The following PTPRG variants were observed in gnomAD, a reference collection of about 807,000 sequenced individuals.
PTPRG encodes the protein receptor-type tyrosine-protein phosphatase gamma.
Under a neutral mutation model 165.3 loss-of-function variants are expected in PTPRG, and 102 were observed. That is an observed-to-expected ratio of 0.62 (90% CI 0.53 to 0.73). The LOEUF is 0.73. Among genes scored for constraint, PTPRG ranks in the 30% least tolerant of loss-of-function variants. The pLI, the probability that PTPRG is intolerant of heterozygous loss-of-function variation, is 0.00. For missense variants in PTPRG, 1,866 were observed against 1,861.4 expected, an observed-to-expected ratio of 1.00 and a Z score of -0.05; for synonymous variants, 675 against 669.5, an observed-to-expected ratio of 1.01 and a Z score of -0.13.
chr3:61,572,788 A>G (rs1009736700), intron 1 of PTPRG, among the ~76,000 whole-genome samples: 10 of 151,970 alleles, frequency 6.6e-5, no homozygotes, highest in African/African-American at 2.4e-4. Flanking sequence ...AAATAGTGCT[A>G]CCCCTTGGGA....
intron 2 of PTPRG, among the ~76,000 whole-genome samples, chr3:61,984,867 C>T (rs1363813506): frequency 6.6e-6 from 1 of 152,150 alleles, no homozygotes; most frequent in Non-Finnish European, 1.5e-5. Context: ...GAGTGTTTGT[C>T]AATTATATAG....
chr3:61,596,779 T>TTTA (rs10586288), intron 1 of PTPRG, among the ~76,000 whole-genome samples: 2,743 of 151,390 alleles, frequency 0.018, 68 homozygotes, highest in African/African-American at 0.057. Context: ...TCTCAATTAG[T>TTTA]TTATTATTAT....
At chr3:62,016,177 T>C (rs915830710) in intron 4 of PTPRG, among the ~76,000 whole-genome samples, 4 of 152,170 alleles carry the variant, frequency 2.6e-5, no homozygotes, top group African/African-American at 9.7e-5. Flanking sequence ...ATTAACTATA[T>C]ATATTTTTAA....
At chr3:61,831,303 T>C (rs1403136539) in intron 2 of PTPRG, among the ~76,000 whole-genome samples, 1 of 152,184 alleles carries the variant, frequency 6.6e-6, no homozygotes, top group African/African-American at 2.4e-5. Flanking sequence ...ATAATACCCA[T>C]TTATGGTGAA....
intron 1 of PTPRG, among the ~76,000 whole-genome samples, chr3:61,653,609 C>T (rs555548269): frequency 6.6e-6 from 1 of 152,300 alleles, no homozygotes; most frequent in South Asian, 2.1e-4. Context: ...TACAGTCCAG[C>T]TGCGTATGTG....
intron 15 of PTPRG, among the ~76,000 whole-genome samples, chr3:62,251,536 T>C (rs972002096): frequency 1.3e-5 from 2 of 151,830 alleles, no homozygotes; most frequent in Non-Finnish European, 2.9e-5. Flanking sequence ...CTTAGGAGAC[T>C]GGGGTGGGAG....
At chr3:62,003,235 A>T in intron 3 of PTPRG, 114 bp from the exon 4 acceptor site, 3 of 1,231,646 alleles carry the variant, frequency 2.4e-6, no homozygotes, top group South Asian at 2.9e-5. Flanking sequence ...TCATAGGTAC[A>T]TGAGGACATA....
intron 2 of PTPRG, among the ~76,000 whole-genome samples, chr3:61,785,982 A>T (rs533224546): frequency 2.0e-5 from 3 of 152,080 alleles, no homozygotes. Flanking sequence ...CCCCAGTCAC[A>T]CTTTTTCTGT....
intron 4 of PTPRG, among the ~76,000 whole-genome samples, chr3:62,046,312 C>T (rs1404546431): frequency 1.3e-5 from 2 of 152,204 alleles, no homozygotes; most frequent in South Asian, 2.1e-4. Context: ...TTTGAAGTTA[C>T]GTGTGTGGGG....
chr3:62,058,467 G>A (rs1035944721), intron 4 of PTPRG, among the ~76,000 whole-genome samples: 4 of 152,044 alleles, frequency 2.6e-5, no homozygotes, highest in African/African-American at 9.7e-5. Flanking sequence ...GCACCCAGCT[G>A]GATGTTCATT....
At chr3:61,941,712 T>A (rs1194549169) in intron 2 of PTPRG, among the ~76,000 whole-genome samples, 2 of 152,212 alleles carry the variant, frequency 1.3e-5, no homozygotes, top group Non-Finnish European at 2.9e-5. Flanking sequence ...ATCAATAGTC[T>A]CCCTCCAACT....
chr3:62,077,451 T>C (rs1026653402), intron 4 of PTPRG, among the ~76,000 whole-genome samples: 1 of 152,158 alleles, frequency 6.6e-6, no homozygotes, highest in East Asian at 1.9e-4. Context: ...ATTTCTGCCC[T>C]AATTTTTTTT....
In PTPRG at chr3:61,714,636, A is replaced by G. The variant is rs559532170; in HGVS notation, c.86-34242A>G. Among the ~76,000 whole-genome samples the G allele has an allele frequency of 1.2e-4, 19 of 152,312 alleles. No individual in the cohort carries two copies. In the East Asian group the frequency reaches 3.5e-3, roughly 28 times the overall value. On this transcript the variant is annotated intron_variant, in intron 1 of 29. Transcript: ENST00000474889. ...TTTCTCAAGTTGTGTTCTTAGAGAA[A>G]GGTGGGGCCTTTTACTTTCCACAAA... is the stretch of plus-strand genomic sequence containing the variant.
rs140977526 is a variant in PTPRG, at chr3:61,631,907, A to G, written c.85+69535A>G. On this transcript the variant is annotated intron_variant, in intron 1 of 29. Transcript: ENST00000474889. ...ACAAAGAGGGAAATGTAAATAATCA[A>G]TTGCTGTAAAATGATATAGATGCTC... Among the ~76,000 whole-genome samples the G allele has an allele frequency of 1.8e-3, 270 of 152,320 alleles. 3 individuals carry two copies. Among genetic ancestry groups the G allele is most frequent in the African/African-American group, 6.2e-3 (256 of 41,570 alleles).
chr3:61,672,324 C>A (rs1034995539), intron 1 of PTPRG, among the ~76,000 whole-genome samples: 1 of 144,762 alleles, frequency 6.9e-6, no homozygotes, highest in Non-Finnish European at 1.5e-5. Context: ...GGGTGGCGGC[C>A]GGGCAGAGGC....
At chr3:62,166,242 G>T (rs13062498) in intron 7 of PTPRG, among the ~76,000 whole-genome samples, 2 of 97,380 alleles carry the variant, frequency 2.1e-5, no homozygotes, top group Non-Finnish European at 1.9e-5. Context: ...TTGGTGACAA[G>T]AATAACTTTG....
At chr3:61,836,531 C>A (rs531121818) in intron 2 of PTPRG, among the ~76,000 whole-genome samples, 4 of 152,206 alleles carry the variant, frequency 2.6e-5, no homozygotes, top group Non-Finnish European at 5.9e-5. Flanking sequence ...TATGCTCTTA[C>A]TACCTTCCGG....
chr3:61,915,558 C>A (rs1453638288), intron 2 of PTPRG, among the ~76,000 whole-genome samples: 1 of 152,136 alleles, frequency 6.6e-6, no homozygotes, highest in East Asian at 1.9e-4. Flanking sequence ...TCTTATTATT[C>A]TTTGGCCTGT....
intron 5 of PTPRG, among the ~76,000 whole-genome samples, chr3:62,088,968 A>G (rs1320472900): frequency 6.6e-6 from 1 of 152,178 alleles, no homozygotes; most frequent in Admixed American, 6.5e-5. Flanking sequence ...ACCATCTTTA[A>G]CTGTATGCAT....
Sources: gnomAD v4.1 joint callset for allele counts (sites outside exome capture counted in the v4.1 genomes callset) on GRCh38, gnomAD v4.1.1 for gene constraint, MANE v1.5 for transcripts, NCBI Gene and HGNC (gene_info 2026-07-23, HGNC 2026-07-21) for gene names.